The following ZNF385D variants were observed in gnomAD, a reference collection of about 807,000 sequenced individuals.
ZNF385D encodes zinc finger protein 659.
Under a neutral mutation model 35.8 loss-of-function variants are expected in ZNF385D, and 15 were observed. The observed-to-expected ratio is 0.42, with a 90% CI of 0.28 to 0.64. The LOEUF (loss-of-function observed/expected upper bound fraction) is 0.64, where lower values mean the gene tolerates loss of function less well. Ranked by LOEUF, ZNF385D falls within the 30% of genes least tolerant of loss-of-function variation. The pLI, the probability that ZNF385D is intolerant of heterozygous loss-of-function variation, is 0.23. For synonymous variants in ZNF385D, 212 were observed against 186.8 expected, an observed-to-expected ratio of 1.13 and a Z score of -1.10; for missense variants, 474 against 494.6, an observed-to-expected ratio of 0.96 and a Z score of 0.39.
At chr3:21,997,308 T>C (rs1695526699) in intron 3 of ZNF385D, among the ~76,000 whole-genome samples, 1 of 151,944 alleles carries the variant, frequency 6.6e-6, no homozygotes, top group South Asian at 2.1e-4. Context: ...TGAGAACACT[T>C]TGGACACAGG....
chr3:21,800,074 G>C (rs183989352), intron 3 of ZNF385D, among the ~76,000 whole-genome samples: 2 of 152,234 alleles, frequency 1.3e-5, no homozygotes, highest in African/African-American at 4.8e-5. Context: ...TTTATTTCTG[G>C]ACTATCACTT....
intron 3 of ZNF385D, among the ~76,000 whole-genome samples, chr3:21,763,037 G>A (rs2070687841): frequency 6.6e-6 from 1 of 151,988 alleles, no homozygotes; most frequent in South Asian, 2.1e-4. Context: ...ATGCTTGGTA[G>A]GATAAAATTA....
chr3:22,072,106 T>C (rs1372452750), intron 3 of ZNF385D, among the ~76,000 whole-genome samples: 1 of 152,028 alleles, frequency 6.6e-6, no homozygotes, highest in Non-Finnish European at 1.5e-5. Context: ...TATGATGAAA[T>C]TAGGCATTGA....
intron 4 of ZNF385D, among the ~76,000 whole-genome samples, chr3:21,490,476 C>G (rs1705349855): frequency 6.6e-6 from 1 of 152,176 alleles, no homozygotes; most frequent in Admixed American, 6.5e-5. Flanking sequence ...GAATCTATCC[C>G]CTACCCCTTT....
intron 2 of ZNF385D, among the ~76,000 whole-genome samples, chr3:22,276,867 T>C (rs1187560597): frequency 6.6e-6 from 1 of 152,132 alleles, no homozygotes; most frequent in Non-Finnish European, 1.5e-5. Context: ...TCTTTTCCTG[T>C]TCTAAAATTT....
intron 1 of ZNF385D, among the ~76,000 whole-genome samples, chr3:21,721,890 A>G (rs1385656513): frequency 6.6e-6 from 1 of 152,144 alleles, no homozygotes; most frequent in Non-Finnish European, 1.5e-5. Flanking sequence ...ACCTGAGGTC[A>G]GGAGTTCAAG....
At chr3:21,876,263 GGT>G (rs928096511) in intron 3 of ZNF385D, among the ~76,000 whole-genome samples, 3 of 151,326 alleles carry the variant, frequency 2.0e-5, no homozygotes, top group African/African-American at 4.9e-5. Context: ...TTCCAAATCT[GGT>G]GTGTTTTTTT....
At chr3:22,322,779 T>C (rs937729046) in intron 2 of ZNF385D, among the ~76,000 whole-genome samples, 5 of 152,354 alleles carry the variant, frequency 3.3e-5, no homozygotes, top group Non-Finnish European at 2.9e-5. Context: ...CATCCAGTAA[T>C]GTTTTTGTTT....
intron 4 of ZNF385D, among the ~76,000 whole-genome samples, chr3:21,457,343 TGTC>T (rs931960179): frequency 6.5e-5 from 6 of 92,710 alleles, no homozygotes; most frequent in East Asian, 3.1e-4. Flanking sequence ...TATTTGTTGT[TGTC>T]GTTGTTGTTG....
intron 2 of ZNF385D, among the ~76,000 whole-genome samples, chr3:22,190,885 T>C (rs1695974536): frequency 6.6e-6 from 1 of 152,068 alleles, no homozygotes; most frequent in Non-Finnish European, 1.5e-5. Context: ...CACTTTACAG[T>C]AACTATAAAG....
intron 2 of ZNF385D, among the ~76,000 whole-genome samples, chr3:22,182,234 T>C (rs1006569258): frequency 6.6e-6 from 1 of 152,156 alleles, no homozygotes; most frequent in African/African-American, 2.4e-5. Context: ...ATATTAAAAT[T>C]AGAAAGTAAC....
At chr3:21,843,691 A>C (rs1001638841) in intron 3 of ZNF385D, among the ~76,000 whole-genome samples, 3 of 152,020 alleles carry the variant, frequency 2.0e-5, no homozygotes, top group African/African-American at 7.2e-5. Context: ...AGAAGATGAT[A>C]AAGGGGAATA....
At chr3:21,981,844 G>C (rs954009159) in intron 3 of ZNF385D, among the ~76,000 whole-genome samples, 1 of 152,046 alleles carries the variant, frequency 6.6e-6, no homozygotes, top group Admixed American at 6.6e-5. Context: ...ACTTGTTTTT[G>C]TCAGCTTTGT....
intron 4 of ZNF385D, among the ~76,000 whole-genome samples, chr3:21,469,153 A>G (rs1277976171): frequency 6.6e-6 from 1 of 152,170 alleles, no homozygotes; most frequent in Admixed American, 6.5e-5. Flanking sequence ...TTCATTTGAA[A>G]TCTGCATTTT....
intron 3 of ZNF385D, among the ~76,000 whole-genome samples, chr3:22,126,297 G>A (rs1454217162): frequency 2.5e-5 from 3 of 118,836 alleles, no homozygotes; most frequent in African/African-American, 9.5e-5. Context: ...ATTAGGTTAT[G>A]TATTTGAAAG....
chr3:22,162,476 G>A (rs977102347), intron 3 of ZNF385D, among the ~76,000 whole-genome samples: 1 of 152,142 alleles, frequency 6.6e-6, no homozygotes, highest in East Asian at 1.9e-4. Flanking sequence ...CCATTTTGAA[G>A]TTCTAACAGA....
At chr3:22,010,421 T>A (rs557250109) in intron 3 of ZNF385D, among the ~76,000 whole-genome samples, 42 of 152,354 alleles carry the variant, frequency 2.8e-4, no homozygotes, top group Non-Finnish European at 4.6e-4. Context: ...ATGAATTATT[T>A]ACTCCCAATA....
intron 3 of ZNF385D, among the ~76,000 whole-genome samples, chr3:21,819,938 C>T (rs2125731350): frequency 1.3e-5 from 2 of 149,614 alleles, no homozygotes; most frequent in Admixed American, 1.3e-4. Context: ...AATATTATAA[C>T]ATTACTTCAA....
intron 2 of ZNF385D, among the ~76,000 whole-genome samples, chr3:21,567,395 T>C (rs2063186623): frequency 6.6e-6 from 1 of 152,064 alleles, no homozygotes; most frequent in Non-Finnish European, 1.5e-5. Context: ...TTTTATTATT[T>C]CCCCAGAACC....
Sources: gnomAD v4.1 joint callset for allele counts (sites outside exome capture counted in the v4.1 genomes callset) on GRCh38, gnomAD v4.1.1 for gene constraint, MANE v1.5 for transcripts, NCBI Gene and HGNC (gene_info 2026-07-23, HGNC 2026-07-21) for gene names.